The following CASTOR2 variants were observed in gnomAD, a reference collection of about 807,000 sequenced individuals.
CASTOR2 encodes GATS protein like 2.
CASTOR2 carries 8 observed loss-of-function variants against 31.2 expected under a neutral mutation model. The observed-to-expected ratio is 0.26, with a 90% CI of 0.15 to 0.46. The LOEUF (loss-of-function observed/expected upper bound fraction) is 0.46, where lower values mean the gene tolerates loss of function less well. CASTOR2 is among the 20% of genes least tolerant of loss of function. The probability of loss-of-function intolerance (pLI) is 0.99; values close to 1 mark genes in which losing one functional copy is unlikely to be tolerated. For synonymous variants in CASTOR2, 162 were observed against 158.7 expected (o/e 1.02, Z -0.16); for missense variants, 216 against 382.1 (o/e 0.57, Z 3.62).
rs1184318227 is a variant in CASTOR2 at position 74,982,317 on chromosome 7, C to T, written c.113+17219C>T. On this transcript the variant is annotated intron_variant, in intron 1 of 8. Coordinates refer to ENST00000616305, the MANE Select transcript of CASTOR2 (RefSeq NM_001145064.3). Reference sequence around the variant, plus strand: ...GCTGGATCTCTGCTTCACTCTTCCCCTTTCCTGATGGGAACTTGCTCCTGC... The same window carrying T: ...GCTGGATCTCTGCTTCACTCTTCCCTTTTCCTGATGGGAACTTGCTCCTGC... 3.3e-5 allele frequency among the ~76,000 whole-genome samples: 5 copies of T among 150,148 alleles called. 1 individual carries two copies. The highest frequency in any genetic ancestry group is 1.2e-4 in the African/African-American group (5 of 40,630).
chr7:75,002,184 C>T (rs1804515182), intron 1 of CASTOR2, among the ~76,000 whole-genome samples: 1 of 151,812 alleles, frequency 6.6e-6, no homozygotes, highest in Admixed American at 6.6e-5. Flanking sequence ...CCTCCACCTC[C>T]CAAAGTTCTG....
At position 75,026,280 on chromosome 7, in the gene CASTOR2, C is replaced by G. The variant is rs1805130175; in HGVS notation, c.*1581C>G. Among the ~76,000 whole-genome samples the G allele has an allele frequency of 6.6e-6, 1 of 150,436 alleles. No individual in the cohort carries two copies. Among genetic ancestry groups the G allele is most frequent in the Admixed American group, 6.7e-5 (1 of 14,974 alleles). ...TCTTGGCTCACTACACCCTCCTCCT[C>G]CCAGGTTCAAGTGATTCTCCTGCCT... is the stretch of plus-strand genomic sequence containing the variant. On this transcript the variant is annotated 3_prime_UTR_variant, in exon 9 of 9. Coordinates refer to ENST00000616305, the MANE Select transcript of CASTOR2 (RefSeq NM_001145064.3).
At chr7:75,022,749 AGATC>A (rs1286350969) in intron 7 of CASTOR2, among the ~76,000 whole-genome samples, 2 of 152,184 alleles carry the variant, frequency 1.3e-5, no homozygotes, top group East Asian at 3.9e-4. Context: ...CGATGAGCCA[AGATC>A]GCTCCATTGC....
intron 5 of CASTOR2, 94 bp from the exon 6 acceptor site, chr7:75,019,945 T>C (rs1193310988): frequency 1.6e-5 from 19 of 1,197,416 alleles, no homozygotes; most frequent in Non-Finnish European, 2.2e-5. Flanking sequence ...CCAGGTGGCA[T>C]CAAAGCCTGG....
intron 2 of CASTOR2, among the ~76,000 whole-genome samples, chr7:75,015,232 T>C (rs1804839440): frequency 6.6e-6 from 1 of 152,202 alleles, no homozygotes. Context: ...TCATCACAGC[T>C]GCCTTGGCTC....
intron 1 of CASTOR2, among the ~76,000 whole-genome samples, chr7:74,977,236 G>A (rs1290488792): frequency 6.7e-5 from 10 of 149,074 alleles, no homozygotes; most frequent in Non-Finnish European, 1.5e-4. Flanking sequence ...GGTCTCTTCT[G>A]AGCCTGCACA....
intron 1 of CASTOR2, among the ~76,000 whole-genome samples, chr7:75,000,115 A>C (rs1804458547): frequency 6.6e-6 from 1 of 152,120 alleles, no homozygotes; most frequent in Non-Finnish European, 1.5e-5. Context: ...AGTCCCAGCT[A>C]CTCAGGAGGC....
chr7:74,986,414 C>T (rs1315142155), intron 1 of CASTOR2, among the ~76,000 whole-genome samples: 3 of 149,512 alleles, frequency 2.0e-5, no homozygotes, highest in Non-Finnish European at 1.5e-5. Flanking sequence ...TACTTGAAGC[C>T]GGGAGGTGGA....
At chr7:74,972,572 A>C (rs1260278362) in intron 1 of CASTOR2, among the ~76,000 whole-genome samples, 1 of 149,150 alleles carries the variant, frequency 6.7e-6, no homozygotes, top group Non-Finnish European at 1.5e-5. Context: ...GGATCTGCTG[A>C]ATGCAGGTCT....
At chr7:75,017,167 G>T (rs1554439926) in intron 2 of CASTOR2, among the ~76,000 whole-genome samples, 1 of 151,472 alleles carries the variant, frequency 6.6e-6, no homozygotes, top group African/African-American at 2.4e-5. Flanking sequence ...AATCCCATCC[G>T]GCTGGGTGCG....
chr7:75,021,210 G>A (rs1361290051), intron 6 of CASTOR2, among the ~76,000 whole-genome samples: 3 of 151,732 alleles, frequency 2.0e-5, no homozygotes, highest in Admixed American at 1.3e-4. Context: ...CAGGCTGCTC[G>A]TGAACTCCTG....
chr7:75,028,078 G>A lies in CASTOR2; in HGVS notation c.*3379G>A. ...CTTGGCGCTGGCGGATGGGGCAGGT[G>A]CCTGGCGGGGGAGGAAGAGGGCTCT... On this transcript the variant is annotated 3_prime_UTR_variant, in exon 9 of 9. Transcript: ENST00000616305. 6.5e-7 allele frequency: 1 copy of A among 1,532,036 alleles called. No individual in the cohort carries two copies. The highest frequency in any genetic ancestry group is 8.7e-7 in the Non-Finnish European group (1 of 1,146,014). 94.9% of individuals were successfully genotyped at this position (1,532,036 alleles called of 1,614,324 possible). A position where few individuals can be genotyped will look rare whatever the true frequency, so the allele number is the denominator to read the frequency against.
At chr7:75,019,493 G>A (rs1299697784) in intron 5 of CASTOR2, among the ~76,000 whole-genome samples, 9,011 of 152,124 alleles carry the variant, frequency 0.059, 563 homozygotes, top group African/African-American at 0.15. Flanking sequence ...TAGGCTGAGG[G>A]GGAGACACAG....
intron 1 of CASTOR2, among the ~76,000 whole-genome samples, chr7:74,991,066 C>A (rs2131930711): frequency 8.6e-6 from 1 of 115,642 alleles, no homozygotes; most frequent in Admixed American, 1.1e-4. Context: ...AGAGCAAGAC[C>A]CTGTCTGGAA....
At chr7:74,987,025 G>A (rs1399492275) in intron 1 of CASTOR2, among the ~76,000 whole-genome samples, 1 of 152,148 alleles carries the variant, frequency 6.6e-6, no homozygotes, top group Non-Finnish European at 1.5e-5. Flanking sequence ...GCGACAGAGC[G>A]AGACCTTGAC....
intron 1 of CASTOR2, among the ~76,000 whole-genome samples, chr7:74,977,692 C>A (rs868933133): frequency 6.6e-6 from 1 of 150,584 alleles, no homozygotes; most frequent in African/African-American, 2.4e-5. Flanking sequence ...GAAAAAAATT[C>A]TTGAGACAGG....
chr7:74,972,778 C>T (rs1296864096), intron 1 of CASTOR2, among the ~76,000 whole-genome samples: 1 of 149,364 alleles, frequency 6.7e-6, no homozygotes, highest in Non-Finnish European at 1.5e-5. Flanking sequence ...CTCCCAGGTT[C>T]AAGCAATTCT....
At position 75,004,606 on chromosome 7, in the gene CASTOR2, C is replaced by T. The variant is rs1333895278; in HGVS notation, c.114-3388C>T. Among the ~76,000 whole-genome samples, 725 of 152,236 alleles carry T rather than the reference C, an allele frequency of 4.8e-3. 8 individuals carry two copies. Among genetic ancestry groups the T allele is most frequent in the African/African-American group, 0.016 (681 of 41,544 alleles). ...GGATTACAGACGCCCACCACCACGC[C>T]GGGCTAATTTTTATATTTTTAGTAG... On this transcript the variant is annotated intron_variant, in intron 1 of 8. Transcript: ENST00000616305.
rs1409582813 is a variant in CASTOR2 at position 74,980,598 on chromosome 7, T to A, written c.113+15500T>A. Among the ~76,000 whole-genome samples the A allele has an allele frequency of 1.5e-5, 2 of 135,018 alleles. 1 individual carries two copies. The allele number at this position is 135,018 out of a possible 152,430, so 88.6% of individuals were successfully genotyped here. On this transcript the variant is annotated intron_variant, in intron 1 of 8. Coordinates refer to ENST00000616305, the MANE Select transcript of CASTOR2 (RefSeq NM_001145064.3). ...TGGATGTTTTGAGGTGCCCTCTACTTGATGCAAGCCTCGGCGAGGTGGCAG... is the reference window on the plus strand; with the variant it reads ...TGGATGTTTTGAGGTGCCCTCTACTAGATGCAAGCCTCGGCGAGGTGGCAG...
Sources: allele counts gnomAD v4.1 joint callset (sites outside exome capture counted in the v4.1 genomes callset), GRCh38; gene constraint gnomAD v4.1.1; transcripts MANE v1.5; gene names NCBI Gene and HGNC (gene_info 2026-07-23, HGNC 2026-07-21).